Variants in USP24 observed in about 807,000 individuals in gnomAD.
USP24 encodes the protein ubiquitin carboxyl-terminal hydrolase 24.
USP24 carries 97 observed loss-of-function variants against 361.6 expected under a neutral mutation model. That is an observed-to-expected ratio of 0.27 (90% CI 0.23 to 0.32). The LOEUF is 0.32. Among genes scored for constraint, USP24 ranks in the 10% least tolerant of loss-of-function variants. USP24 has a pLI of 1.00. For missense variants in USP24, 2,353 were observed against 3,165.6 expected, an observed-to-expected ratio of 0.74 and a Z score of 6.16; for synonymous variants, 1,098 against 1,124.6, an observed-to-expected ratio of 0.98 and a Z score of 0.47.
At chr1:55,190,207 A>G (rs1416156097) in intron 1 of USP24, among the ~76,000 whole-genome samples, 1 of 151,258 alleles carries the variant, frequency 6.6e-6, no homozygotes, top group Non-Finnish European at 1.5e-5. Context: ...AATATTATTT[A>G]AGACTTGACA....
chr1:55,212,457 C>T (rs994007092), intron 1 of USP24, among the ~76,000 whole-genome samples: 24 of 152,124 alleles, frequency 1.6e-4, no homozygotes, highest in East Asian at 5.8e-4. Flanking sequence ...AAAAAGCCTA[C>T]GTTAACTCTC....
At chr1:55,158,837 AT>A in intron 10 of USP24, 40 bp downstream of exon 10, 1 of 1,379,606 alleles carries the variant, frequency 7.2e-7, no homozygotes, top group South Asian at 2.0e-5. Flanking sequence ...AGAACTTAGT[AT>A]CTGTGCATTA....
chr1:55,212,283 AAT>A (rs1271214859), intron 1 of USP24, among the ~76,000 whole-genome samples: 1 of 152,178 alleles, frequency 6.6e-6, no homozygotes, highest in Non-Finnish European at 1.5e-5. Context: ...GTAGCCTTAA[AAT>A]ATGTCTTTCC....
chr1:55,108,520 C>T (rs1645856065), intron 39 of USP24, among the ~76,000 whole-genome samples: 1 of 152,226 alleles, frequency 6.6e-6, no homozygotes, highest in Non-Finnish European at 1.5e-5. Context: ...CCAGCACCTA[C>T]ACTGCAGGGT....
chr1:55,074,635 A>AAAATAAAT (rs143014800), intron 63 of USP24, among the ~76,000 whole-genome samples: 1,677 of 138,920 alleles, frequency 0.012, 21 homozygotes, highest in African/African-American at 0.026. Flanking sequence ...CCCTGTCTCA[A>AAAATAAAT]AAATAAATAA....
intron 55 of USP24, among the ~76,000 whole-genome samples, chr1:55,089,339 C>A (rs540299207): frequency 6.6e-6 from 1 of 152,130 alleles, no homozygotes; most frequent in Admixed American, 6.5e-5. Context: ...AAGAGACTTG[C>A]GTCTCTGACC....
intron 51 of USP24, 97 bp downstream of exon 51, chr1:55,095,158 T>A (rs1241660176): frequency 3.0e-6 from 4 of 1,321,976 alleles, no homozygotes; most frequent in Non-Finnish European, 4.0e-6. Context: ...TCTCTCCAGC[T>A]TAGCTAATTA....
chr1:55,215,115 G>A lies in USP24; in HGVS notation c.-2C>T. 7.9e-7 allele frequency: 1 copy of A among 1,272,712 alleles called. No individual in the cohort carries two copies. Among genetic ancestry groups the A allele is most frequent in the East Asian group, 3.1e-5 (1 of 32,520 alleles). 78.8% of individuals were successfully genotyped at this position (1,272,712 alleles called of 1,614,324 possible). A position where few individuals can be genotyped will look rare whatever the true frequency, so the allele number is the denominator to read the frequency against. ...GTGCTGCTCCTCCTCCGATTCCATG[G>A]CTTGGGCCTCCTGGCCGCCCCGGCC... On this transcript the variant is annotated 5_prime_UTR_variant, in exon 1 of 68. Coordinates refer to ENST00000294383, the MANE Select transcript of USP24 (RefSeq NM_015306.3).
At chr1:55,144,061 T>A in intron 21 of USP24, 66 bp downstream of exon 21, 2 of 1,324,196 alleles carry the variant, frequency 1.5e-6, no homozygotes, top group South Asian at 3.1e-5. Context: ...AACACTTTTT[T>A]TTTTGCTGAA....
In USP24 at chr1:55,089,067, C is replaced by T. The variant is rs1448980559; in HGVS notation, c.6668+560G>A. Reference sequence around the variant, plus strand: ...AGCTATAGGTGCCCACAACCACGCCCGGCTAATTTTTTGTATTTTTAGTAG... The same window carrying T: ...AGCTATAGGTGCCCACAACCACGCCTGGCTAATTTTTTGTATTTTTAGTAG... On this transcript the variant is annotated intron_variant, in intron 55 of 67. Transcript: ENST00000294383. Among the ~76,000 whole-genome samples the T allele has an allele frequency of 3.9e-5, 6 of 151,946 alleles. No individual in the cohort carries two copies. In the South Asian group the frequency reaches 8.3e-4, roughly 21 times the overall value.
At chr1:55,074,274 A>C (rs560144300) in intron 63 of USP24, among the ~76,000 whole-genome samples, 27 of 152,316 alleles carry the variant, frequency 1.8e-4, no homozygotes, top group Admixed American at 5.2e-4. Context: ...TTTTAGATTG[A>C]TAAATGAAAT....
chr1:55,174,611 A>G (rs1319048149), intron 3 of USP24, among the ~76,000 whole-genome samples: 1 of 152,234 alleles, frequency 6.6e-6, no homozygotes, highest in Non-Finnish European at 1.5e-5. Flanking sequence ...TTAGAGTATT[A>G]TATTCCAAAT....
chr1:55,180,022 T>G (rs550052728), intron 1 of USP24, among the ~76,000 whole-genome samples: 1 of 152,198 alleles, frequency 6.6e-6, no homozygotes, highest in African/African-American at 2.4e-5. Flanking sequence ...GAATGGTCTA[T>G]CCCCTAACTG....
intron 59 of USP24, among the ~76,000 whole-genome samples, chr1:55,079,920 G>T (rs776385210): frequency 6.6e-6 from 1 of 151,738 alleles, no homozygotes; most frequent in African/African-American, 2.4e-5. Context: ...CAGAGTACTC[G>T]CACACACACT....
chr1:55,125,795 C>T (rs1646411922), intron 32 of USP24, 37 bp from the exon 33 acceptor site: 2 of 1,496,438 alleles, frequency 1.3e-6, no homozygotes, highest in Non-Finnish European at 9.0e-7. Flanking sequence ...ATATTAAAGA[C>T]TTCTATTTTT....
intron 3 of USP24, among the ~76,000 whole-genome samples, chr1:55,173,055 G>A (rs1362542450): frequency 6.6e-6 from 1 of 151,900 alleles, no homozygotes; most frequent in African/African-American, 2.4e-5. Context: ...AATATTTCTG[G>A]AACCTAAGAA....
At chr1:55,076,158 A>G (rs1403189997) in intron 62 of USP24, among the ~76,000 whole-genome samples, 1 of 152,202 alleles carries the variant, frequency 6.6e-6, no homozygotes, top group African/African-American at 2.4e-5. Context: ...ATACTTTATG[A>G]TCCTAAGGAT....
chr1:55,069,638 C>T (rs373000756), intron 67 of USP24, among the ~76,000 whole-genome samples: 368 of 151,452 alleles, frequency 2.4e-3, no homozygotes, highest in African/African-American at 8.7e-3. Flanking sequence ...AAAGTGACAA[C>T]CTAAGCTGAG....
chr1:55,194,893 G>C (rs1283204885), intron 1 of USP24, among the ~76,000 whole-genome samples: 5 of 152,064 alleles, frequency 3.3e-5, no homozygotes, highest in Non-Finnish European at 5.9e-5. Flanking sequence ...CTGCTTACTT[G>C]AGGTCTCTGT....
Sources: gnomAD v4.1 joint callset for allele counts (sites outside exome capture counted in the v4.1 genomes callset) on GRCh38, gnomAD v4.1.1 for gene constraint, MANE v1.5 for transcripts, NCBI Gene and HGNC (gene_info 2026-07-23, HGNC 2026-07-21) for gene names.